Variants in BCL2 observed in about 807,000 individuals in gnomAD.
BCL2 encodes apoptosis regulator Bcl-2.
Under a neutral mutation model 14.2 loss-of-function variants are expected in BCL2, and 1 was observed. The observed-to-expected ratio is 0.07, with a 90% CI of 0.02 to 0.33. The LOEUF (loss-of-function observed/expected upper bound fraction) is 0.33, where lower values mean the gene tolerates loss of function less well. BCL2 is among the 10% of genes least tolerant of loss of function. The pLI is 0.99. For synonymous variants in BCL2, 151 were observed against 137.2 expected (o/e 1.10, Z -0.70); for missense variants, 247 against 305.9 (o/e 0.81, Z 1.44).
chr18:63,126,230 A>C lies in BCL2; in HGVS notation c.*2395T>G, dbSNP rs991903837. ...AGGCCCGCCGGGGAGGTCTGGCTTC[A>C]TACCACAGGTTTCCTGCTTTCTTGG... On this transcript the variant is annotated 3_prime_UTR_variant, in exon 3 of 3. Transcript: ENST00000333681. The C allele has an allele frequency of 4.6e-6, 1 of 219,076 alleles. No individual in the cohort carries two copies. The highest frequency in any genetic ancestry group is 9.2e-6 in the Non-Finnish European group (1 of 108,738). 13.6% of individuals were successfully genotyped at this position (219,076 alleles called of 1,614,324 possible).
At chr18:63,270,415 C>T (rs1205005250) in intron 2 of BCL2, among the ~76,000 whole-genome samples, 1 of 152,122 alleles carries the variant, frequency 6.6e-6, no homozygotes, top group Non-Finnish European at 1.5e-5. Flanking sequence ...AAGCTCTTAA[C>T]CTACCGATAG....
intron 2 of BCL2, among the ~76,000 whole-genome samples, chr18:63,271,512 A>G (rs1912002085): frequency 6.6e-6 from 1 of 152,208 alleles, no homozygotes; most frequent in Non-Finnish European, 1.5e-5. Flanking sequence ...TCTCAATGAA[A>G]ATAGCTCTAA....
intron 2 of BCL2, among the ~76,000 whole-genome samples, chr18:63,268,894 A>G (rs1403948284): frequency 6.6e-6 from 1 of 152,132 alleles, no homozygotes; most frequent in Admixed American, 6.5e-5. Flanking sequence ...ACAGTACCCA[A>G]TCCATGAAAG....
chr18:63,141,147 G>A (rs139066621), intron 2 of BCL2, among the ~76,000 whole-genome samples: 199 of 152,282 alleles, frequency 1.3e-3, no homozygotes, highest in African/African-American at 3.9e-3. Flanking sequence ...AAACTCCGCC[G>A]TAGCGAACCT....
intron 2 of BCL2, among the ~76,000 whole-genome samples, chr18:63,248,147 G>A (rs762905091): frequency 2.0e-5 from 3 of 152,178 alleles, no homozygotes; most frequent in Admixed American, 2.0e-4. Context: ...TCAGAGAAAC[G>A]CTACTCACAA....
intron 2 of BCL2, among the ~76,000 whole-genome samples, chr18:63,303,388 A>G (rs536343864): frequency 6.6e-6 from 1 of 152,358 alleles, no homozygotes; most frequent in South Asian, 2.1e-4. Flanking sequence ...TTATTTTTTA[A>G]CTATGAGAGA....
intron 2 of BCL2, among the ~76,000 whole-genome samples, chr18:63,212,229 G>A (rs1434852525): frequency 6.6e-6 from 1 of 151,496 alleles, no homozygotes; most frequent in Non-Finnish European, 1.5e-5. Flanking sequence ...GGGAGGCTGA[G>A]GCGAGACAGA....
At chr18:63,302,977 A>G in intron 2 of BCL2, 1 of 657,978 alleles carries the variant, frequency 1.5e-6, no homozygotes, top group Non-Finnish European at 1.9e-6. Flanking sequence ...TTTTAAGTAG[A>G]ATAAAATGTA....
intron 2 of BCL2, among the ~76,000 whole-genome samples, chr18:63,214,000 CTAAGA>C (rs1432934786): frequency 3.3e-5 from 5 of 152,172 alleles, no homozygotes; most frequent in Non-Finnish European, 5.9e-5. Context: ...ATGAACAGAG[CTAAGA>C]TGGGCTGATG....
chr18:63,127,592 A>T lies in BCL2; in HGVS notation c.*1033T>A, dbSNP rs1913944299. 1 of 230,836 alleles carries T rather than the reference A, an allele frequency of 4.3e-6. No individual in the cohort carries two copies. The highest frequency in any genetic ancestry group is 8.6e-6 in the Non-Finnish European group (1 of 116,534). 14.3% of individuals were successfully genotyped at this position (230,836 alleles called of 1,614,324 possible). On this transcript the variant is annotated 3_prime_UTR_variant, in exon 3 of 3. Transcript: ENST00000333681. ...TGATCATCCCTGGAGGAGGCCAGTG[A>T]GGGCCCCGGCTCAGTTCCAGGACCA...
chr18:63,255,041 G>A (rs3744949), intron 2 of BCL2, among the ~76,000 whole-genome samples: 13,460 of 152,238 alleles, frequency 0.088, 779 homozygotes, highest in South Asian at 0.14. Context: ...GCAAGTGTAC[G>A]GCTGCCAGTT....
At chr18:63,168,990 C>G (rs1319485994) in intron 2 of BCL2, among the ~76,000 whole-genome samples, 2 of 152,238 alleles carry the variant, frequency 1.3e-5, no homozygotes, top group Non-Finnish European at 2.9e-5. Flanking sequence ...TTGATGAAAG[C>G]TGCTTATTGG....
In BCL2 at chr18:63,318,444, G is replaced by A; in HGVS notation, c.223C>T (p.Pro75Ser). Residue 75 changes from proline (P) to serine (S), a missense_variant, in exon 2 of 3, where the codon CCG becomes TCG. Physicochemically the swap from Pro to Ser is moderately conservative, Grantham distance 74. Coordinates refer to ENST00000333681, the MANE Select transcript of BCL2 (RefSeq NM_000633.3). This position sits in a 1 kb window ranked among gnomAD's most constrained non-coding sequence, Gnocchi z 7.4. Reference sequence around the variant, plus strand: ...CCCGCGGCGGCGCCGGGGGCAGCCGGGGTCTGCAGCGGCGAGGTCCTGGCG... The same window carrying A: ...CCCGCGGCGGCGCCGGGGGCAGCCGAGGTCTGCAGCGGCGAGGTCCTGGCG... Reference protein sequence around the residue: ...PVARTSPLQTPAAPGAAAGPA... With the variant: ...PVARTSPLQTSAAPGAAAGPA... The A allele has an allele frequency of 1.4e-6, 2 of 1,474,070 alleles. No individual in the cohort carries two copies. The highest frequency in any genetic ancestry group is 1.8e-6 in the Non-Finnish European group (2 of 1,123,234). 91.3% of individuals were successfully genotyped at this position (1,474,070 alleles called of 1,614,324 possible). A position where few individuals can be genotyped will look rare whatever the true frequency, so the allele number is the denominator to read the frequency against.
chr18:63,300,017 C>A (rs1369203490), intron 2 of BCL2, among the ~76,000 whole-genome samples: 1 of 152,076 alleles, frequency 6.6e-6, no homozygotes, highest in East Asian at 1.9e-4. Flanking sequence ...GAATGTGGAA[C>A]AAACAAATGA....
At chr18:63,240,116 A>G (rs574459524) in intron 2 of BCL2, among the ~76,000 whole-genome samples, 1 of 152,222 alleles carries the variant, frequency 6.6e-6, no homozygotes, top group South Asian at 2.1e-4. Flanking sequence ...CAGACTCCCA[A>G]GTAGCTGGGA....
chr18:63,180,526 C>G (rs1915458478), intron 2 of BCL2, among the ~76,000 whole-genome samples: 1 of 150,948 alleles, frequency 6.6e-6, no homozygotes, highest in South Asian at 2.1e-4. Flanking sequence ...CCCCAGACCG[C>G]CCATCCCACC....
chr18:63,255,507 G>C (rs1200580877), intron 2 of BCL2, among the ~76,000 whole-genome samples: 2 of 152,190 alleles, frequency 1.3e-5, no homozygotes, highest in African/African-American at 2.4e-5. Context: ...AAAAAGTAAA[G>C]TGGCCTAGAG....
At chr18:63,139,637 G>A (rs1169304371) in intron 2 of BCL2, among the ~76,000 whole-genome samples, 1 of 152,180 alleles carries the variant, frequency 6.6e-6, no homozygotes, top group Non-Finnish European at 1.5e-5. Flanking sequence ...CTCATTTTAA[G>A]GCACACCTGA....
chr18:63,312,999 C>T (rs537730804), intron 2 of BCL2, among the ~76,000 whole-genome samples: 1 of 152,246 alleles, frequency 6.6e-6, no homozygotes, highest in Admixed American at 6.5e-5. Context: ...TACATTTTGG[C>T]CCTGTTTAAA....
Sources: gnomAD v4.1 joint callset for allele counts (sites outside exome capture counted in the v4.1 genomes callset) on GRCh38, gnomAD v4.1.1 for gene constraint, Gnocchi (gnomAD v3.1) non-coding constraint, MANE v1.5 for transcripts, NCBI Gene and HGNC (gene_info 2026-07-23, HGNC 2026-07-21) for gene names.